Variants in NDE1 observed in about 807,000 individuals in gnomAD.
The protein encoded by NDE1 is nudE neurodevelopment protein 1.
Under a neutral mutation model 43.4 loss-of-function variants are expected in NDE1, and 28 were observed. The observed-to-expected ratio is 0.65, with a 90% CI of 0.48 to 0.89. NDE1 has a LOEUF of 0.89. Ranked by LOEUF, NDE1 falls within the 40% of genes least tolerant of loss-of-function variation. The pLI is 0.00. For synonymous variants in NDE1, 184 were observed against 172.0 expected, an observed-to-expected ratio of 1.07 and a Z score of -0.55; for missense variants, 441 against 434.1, an observed-to-expected ratio of 1.02 and a Z score of -0.14.
At chr16:15,647,889 T>C (rs2036362185), upstream of NDE1, among the ~76,000 whole-genome samples, 1 of 151,940 alleles carries the variant, frequency 6.6e-6, no homozygotes, top group Non-Finnish European at 1.5e-5. Flanking sequence ...AAAAATTAGC[T>C]GGGCGTGTTG....
rs1412195773 is a variant in NDE1, at chr16:15,703,750, A to G, written c.947+6890A>G. 3 of 543,170 alleles carry G rather than the reference A, an allele frequency of 5.5e-6. No individual in the cohort carries two copies. The South Asian group carries it at 5.5e-5, about 10-fold the overall frequency. 33.6% of individuals were successfully genotyped at this position (543,170 alleles called of 1,614,324 possible). ...ACCACAGGTGTGTACCACCACGCCC[A>G]GCTTATTTTTAAATTCTTGTATAGA... On this transcript the variant is annotated intron_variant, in intron 8 of 8. Coordinates refer to ENST00000396354, the MANE Select transcript of NDE1 (RefSeq NM_017668.3).
upstream of NDE1, among the ~76,000 whole-genome samples, chr16:15,646,274 G>C (rs2036327605): frequency 6.6e-6 from 1 of 152,160 alleles, no homozygotes; most frequent in Non-Finnish European, 1.5e-5. Flanking sequence ...AGTGGTTAGG[G>C]CCAAATAAAA....
Position 15,724,388 on chromosome 16 carries a change from GCTT to G in NDE1, c.*145_*147del, listed in dbSNP as rs748742555. The G allele has an allele frequency of 1.8e-5, 29 of 1,613,924 alleles. No homozygotes were observed. Among genetic ancestry groups the G allele is most frequent in the African/African-American group, 2.7e-5 (2 of 74,900 alleles). On this transcript the variant is annotated 3_prime_UTR_variant, in exon 9 of 9. Transcript: ENST00000396354. ...TCCACGGTGCTGGCAAAGTCCTGCAGCTTCTTCTTCGAGTCGGAGAGCTACAAG... is the reference window on the plus strand; with the variant it reads ...TCCACGGTGCTGGCAAAGTCCTGCAGCTTCTTCGAGTCGGAGAGCTACAAG...
chr16:15,721,771 G>C, intron 8 of NDE1: 1 of 833,576 alleles, frequency 1.2e-6, no homozygotes. Context: ...AGCTATGGGA[G>C]TAATTTATAT....
intron 6 of NDE1, among the ~76,000 whole-genome samples, chr16:15,691,530 A>T (rs2038753566): frequency 6.6e-6 from 1 of 151,964 alleles, no homozygotes; most frequent in African/African-American, 2.4e-5. Flanking sequence ...GTGGAGTCTG[A>T]TGAAATGGAA....
At chr16:15,702,462 C>T (rs59750249) in intron 8 of NDE1, among the ~76,000 whole-genome samples, 5 of 152,112 alleles carry the variant, frequency 3.3e-5, no homozygotes, top group South Asian at 4.1e-4. Context: ...GTGATCATAG[C>T]TCACTGCAGC....
Position 15,721,489 on chromosome 16 carries a change from C to T in NDE1, c.948-2702C>T, listed in dbSNP as rs769614526. 9.3e-6 allele frequency: 15 copies of T among 1,614,064 alleles called. No individual in the cohort carries two copies. The highest frequency in any genetic ancestry group is 1.7e-5 in the Admixed American group (1 of 59,988). On this transcript the variant is annotated intron_variant, in intron 8 of 8. Transcript: ENST00000396354. Reference sequence around the variant, plus strand: ...TTCGGCTTTGAGCATTTTGTTGGTCCGCTCGAGTTCCTCTTTGGCTTCCAA... The same window carrying T: ...TTCGGCTTTGAGCATTTTGTTGGTCTGCTCGAGTTCCTCTTTGGCTTCCAA...
chr16:15,667,003 T>A (rs576991500), intron 2 of NDE1, among the ~76,000 whole-genome samples: 1 of 152,282 alleles, frequency 6.6e-6, no homozygotes, highest in Admixed American at 6.5e-5. Context: ...CCCAGCACTT[T>A]GAGAGGCCGA....
intron 8 of NDE1, among the ~76,000 whole-genome samples, chr16:15,709,831 G>C (rs529106434): frequency 1.8e-4 from 28 of 152,222 alleles, no homozygotes; most frequent in African/African-American, 5.8e-4. Context: ...ATTAGCTTTC[G>C]GGCCTCTAGC....
chr16:15,690,353 C>CTTTTTTTTTT (rs869069843), intron 5 of NDE1, among the ~76,000 whole-genome samples: 160 of 81,008 alleles, frequency 2.0e-3, no homozygotes, highest in Non-Finnish European at 2.6e-3. Flanking sequence ...TTTTTTTTTT[C>CTTTTTTTTTT]TTTTTTTTTT....
At position 15,725,665 on chromosome 16, in the gene NDE1, T is replaced by C. The variant is rs2040718331; in HGVS notation, c.*1414T>C. ...GGCAAAAGCCCTGCTCTCAACTGCA[T>C]GTGAGAAAAAAACATCTCACTTAAT... On this transcript the variant is annotated 3_prime_UTR_variant, in exon 9 of 9. Transcript: ENST00000396354. 1 of 399,158 alleles carries C rather than the reference T, an allele frequency of 2.5e-6. No individual in the cohort carries two copies. Among genetic ancestry groups the C allele is most frequent in the African/African-American group, 2.1e-5 (1 of 48,754 alleles). 24.7% of individuals were successfully genotyped at this position (399,158 alleles called of 1,614,324 possible).
In NDE1 at chr16:15,664,724, C is replaced by T; in HGVS notation, c.-43-12C>T. On this transcript the variant is annotated splice_polypyrimidine_tract_variant and intron_variant, in intron 1 of 8. Transcript: ENST00000396354. ...CAGATGTGGGTAATCATTTTGAAAC[C>T]TTCTCTCCTAGACACCATGCCACAA... 7.5e-7 allele frequency: 1 copy of T among 1,340,716 alleles called. No homozygotes were observed. Among genetic ancestry groups the T allele is most frequent in the Non-Finnish European group, 1.1e-6 (1 of 931,942 alleles). 83.1% of individuals were successfully genotyped at this position (1,340,716 alleles called of 1,614,324 possible).
At chr16:15,713,342 A>C (rs1383135006) in intron 8 of NDE1, 6 of 152,086 alleles carry the variant, frequency 3.9e-5, no homozygotes, top group Non-Finnish European at 8.8e-5. Flanking sequence ...TCTGCTTTTG[A>C]GTTAAGTAGG....
chr16:15,684,799 C>T (rs933014818), intron 4 of NDE1, among the ~76,000 whole-genome samples: 2 of 152,138 alleles, frequency 1.3e-5, no homozygotes, highest in South Asian at 2.1e-4. Context: ...TGTGATGCCA[C>T]CTTTATTATA....
At chr16:15,697,394 T>C (rs1213016464) in intron 8 of NDE1, among the ~76,000 whole-genome samples, 2 of 152,060 alleles carry the variant, frequency 1.3e-5, no homozygotes, top group Non-Finnish European at 2.9e-5. Flanking sequence ...ACGGTTACAC[T>C]GTGAGAATGT....
At chr16:15,659,649 C>G (rs1021237285) in intron 1 of NDE1, among the ~76,000 whole-genome samples, 3 of 151,496 alleles carry the variant, frequency 2.0e-5, no homozygotes, top group Non-Finnish European at 2.9e-5. Flanking sequence ...GTTGGCCAGG[C>G]TGGTTTCAGA....
intron 3 of NDE1, among the ~76,000 whole-genome samples, chr16:15,669,395 C>G (rs546975796): frequency 5.6e-5 from 8 of 142,488 alleles, no homozygotes; most frequent in Non-Finnish European, 1.2e-4. Context: ...CGCAGTCTCA[C>G]TCTGTTGCCA....
At chr16:15,718,099 A>G in intron 8 of NDE1, 1 of 720,178 alleles carries the variant, frequency 1.4e-6, no homozygotes, top group Non-Finnish European at 2.2e-6. Context: ...GTGGCTGGAA[A>G]ATGAGACACT....
At chr16:15,663,101 C>A (rs534348968) in intron 1 of NDE1, among the ~76,000 whole-genome samples, 1 of 152,158 alleles carries the variant, frequency 6.6e-6, no homozygotes, top group South Asian at 2.1e-4. Context: ...TTCAGTCTGT[C>A]CAGGTAGGTT....
Sources: gnomAD v4.1 joint callset for allele counts (sites outside exome capture counted in the v4.1 genomes callset) on GRCh38, gnomAD v4.1.1 for gene constraint, MANE v1.5 for transcripts, NCBI Gene and HGNC (gene_info 2026-07-23, HGNC 2026-07-21) for gene names.